PLCD3: variants seen among roughly 807,000 people sequenced by gnomAD.
PLCD3 encodes the protein phospholipase C delta 3, also known as 1-phosphatidylinositol 4,5-bisphosphate phosphodiesterase delta-3.
In PLCD3, 62 loss-of-function variants were observed where a neutral mutation model predicts 82.8. The ratio of observed to expected loss-of-function variants is 0.75; its 90% CI spans 0.61 to 0.93. PLCD3 has a LOEUF of 0.93. Ranked by LOEUF, PLCD3 falls within the 40% of genes least tolerant of loss-of-function variation. The probability of loss-of-function intolerance (pLI) is 0.00; values close to 1 mark genes in which losing one functional copy is unlikely to be tolerated. For synonymous variants in PLCD3, 478 were observed against 471.8 expected (o/e 1.01, Z -0.17); for missense variants, 1,023 against 1,103.4 (o/e 0.93, Z 1.03).
In PLCD3 at chr17:45,112,548, GGA is replaced by G; in HGVS notation, c.*66_*67del. On this transcript the variant is annotated 3_prime_UTR_variant, in exon 15 of 15. Coordinates refer to ENST00000619929, the MANE Select transcript of PLCD3 (RefSeq NM_133373.5). ...GGTACTCCCACCACCTGACTCCAGA[GGA>G]GGAGAGGGCTCTGCAGGGGATGTGG... The G allele has an allele frequency of 4.1e-6, 6 of 1,470,110 alleles. No individual in the cohort carries two copies. Among genetic ancestry groups the G allele is most frequent in the Non-Finnish European group, 5.6e-6 (6 of 1,074,310 alleles). 91.1% of individuals were successfully genotyped at this position (1,470,110 alleles called of 1,614,324 possible).
At position 45,113,463 on chromosome 17, in the gene PLCD3, AG is replaced by A. The variant is rs2143547059; in HGVS notation, c.1970del (p.Pro657LeufsTer11). The A allele has an allele frequency of 6.3e-7, 1 of 1,595,966 alleles. No homozygotes were observed. The highest frequency in any genetic ancestry group is 1.7e-4 in the Middle Eastern group (1 of 6,042). Reference protein sequence around the residue: ...DSTFDPEYPGPPRTTLSIQVL... With the variant: ...DSTFDPEYPGXPRTTLSIQVL... ...CCTGGATGCTGAGAGTGGTTCTGGG[AG>A]GTCCTGGGTACTCGGGGTCAAAGGT... On this transcript the variant is annotated frameshift_variant, in exon 12 of 15. Coordinates refer to ENST00000619929, the MANE Select transcript of PLCD3 (RefSeq NM_133373.5). LOFTEE classifies it high-confidence loss of function.
rs34687475 is a variant in PLCD3 at position 45,111,373 on chromosome 17, AGT to A, written c.*1241_*1242del. ...TTCAAGGCCCCTCTGTGTATGTGTGAGTGTGTGTGTGTGTGTGTGTGTGTGTG... is the reference window on the plus strand; with the variant it reads ...TTCAAGGCCCCTCTGTGTATGTGTGAGTGTGTGTGTGTGTGTGTGTGTGTG... On this transcript the variant is annotated 3_prime_UTR_variant, in exon 15 of 15. Coordinates refer to ENST00000619929, the MANE Select transcript of PLCD3 (RefSeq NM_133373.5). The A allele has an allele frequency of 0.23, 34,321 of 146,622 alleles. 4,124 individuals carry two copies. The highest frequency in any genetic ancestry group is 0.31 in the African/African-American group (12,378 of 40,190). The allele number at this position is 146,622 out of a possible 1,614,324, so 9.1% of individuals were successfully genotyped here. A position where few individuals can be genotyped will look rare whatever the true frequency, so the allele number is the denominator to read the frequency against.
intron 1 of PLCD3, among the ~76,000 whole-genome samples, chr17:45,131,685 C>G (rs1235066060): frequency 6.6e-6 from 1 of 152,270 alleles, no homozygotes; most frequent in African/African-American, 2.4e-5. Flanking sequence ...CAGTTACATT[C>G]CTTCTCCACG....
chr17:45,115,066 C>T (rs1455166813), intron 10 of PLCD3, 28 bp downstream of exon 10: 1 of 1,578,608 alleles, frequency 6.3e-7, no homozygotes, highest in South Asian at 1.2e-5. Context: ...CCCTCTCGCC[C>T]CCAGACACCC....
chr17:45,127,672 A>G (rs1042386487), intron 1 of PLCD3, among the ~76,000 whole-genome samples: 8 of 151,934 alleles, frequency 5.3e-5, no homozygotes, highest in African/African-American at 1.9e-4. Context: ...GGAGGGTGGG[A>G]GTTCTGTCCA....
chr17:45,117,067 C>G (rs971675592), intron 7 of PLCD3, among the ~76,000 whole-genome samples: 14 of 152,158 alleles, frequency 9.2e-5, no homozygotes, highest in African/African-American at 3.4e-4. Flanking sequence ...GCCTCAGCCT[C>G]CTAAGTAGCT....
chr17:45,120,596 G>A, intron 3 of PLCD3, 142 bp from the exon 4 acceptor site: 1 of 1,107,676 alleles, frequency 9.0e-7, no homozygotes, highest in Non-Finnish European at 1.3e-6. Flanking sequence ...CACTCCCCGA[G>A]CACGGTAGCA....
chr17:45,117,674 C>G (rs1007318892), intron 7 of PLCD3, among the ~76,000 whole-genome samples: 1 of 152,206 alleles, frequency 6.6e-6, no homozygotes, highest in Non-Finnish European at 1.5e-5. Context: ...CACTGGTGAG[C>G]TTCTCTTACA....
chr17:45,118,350 G>A lies in PLCD3; in HGVS notation c.1056C>T (p.His352=). The part of the protein sequence containing the change: ...PLAHYFISSS[H]NTYLTDSQIG... ...TCTGGGAGTCAGTCAGATAGGTGTTGTGGGAGGAAGAGATGAAGTAGTGGG... is the reference window on the plus strand; with the variant it reads ...TCTGGGAGTCAGTCAGATAGGTGTTATGGGAGGAAGAGATGAAGTAGTGGG... The change falls in exon 6 of 15, where the codon CAC becomes CAT. Residue 352 remains histidine (H), a synonymous_variant. Coordinates refer to ENST00000619929, the MANE Select transcript of PLCD3 (RefSeq NM_133373.5). This position sits in a 1 kb window ranked among gnomAD's most constrained non-coding sequence, Gnocchi z 4.1. The A allele has an allele frequency of 3.1e-6, 5 of 1,614,060 alleles. No individual in the cohort carries two copies. The highest frequency in any genetic ancestry group is 4.2e-6 in the Non-Finnish European group (5 of 1,179,906).
At chr17:45,123,253 A>C (rs1297359821) in intron 1 of PLCD3, among the ~76,000 whole-genome samples, 3 of 152,166 alleles carry the variant, frequency 2.0e-5, no homozygotes, top group Non-Finnish European at 4.4e-5. Context: ...GAGTCCTTGA[A>C]GGACCAGTTC....
In PLCD3 at chr17:45,115,478, G is replaced by C. The variant is rs776698052; in HGVS notation, c.1426C>G (p.Arg476Gly). The C allele has an allele frequency of 1.9e-6, 3 of 1,609,922 alleles. No individual in the cohort carries two copies. The highest frequency in any genetic ancestry group is 2.5e-6 in the Non-Finnish European group (3 of 1,178,472). Residue 476 changes from arginine (R) to glycine (G), a missense_variant, in exon 9 of 15, where the codon CGG becomes GGG. Around this residue, in one of 3 missense-constraint regions of PLCD3, gnomAD observed 553 missense variants for 655.7 expected, o/e 0.84. Transcript: ENST00000619929. ...AACTTCTTTCCCTTCACCAGGACCC[G>C]GCCCTTCAGCTGCTGTGGGGGCCAA... ...ELPSPEQLKG[R>G]VLVKGKKLPA...
intron 10 of PLCD3, 150 bp from the exon 11 acceptor site, chr17:45,114,516 G>A (rs534153553): frequency 7.8e-5 from 45 of 580,206 alleles, no homozygotes; most frequent in South Asian, 6.7e-4. Context: ...AGTGAGAGGG[G>A]AGCTCACTGA....
rs376886793 is a variant in PLCD3, at chr17:45,116,676, G to A, written c.1369C>T (p.Gln457Ter). Residue 457 changes from glutamine to a stop codon, truncating the protein, a stop_gained, in exon 8 of 15, where the codon CAG (glutamine) becomes TAG (stop). Transcript: ENST00000619929. LOFTEE classifies it high-confidence loss of function. ...TCGGGATTTGGGGAGTCCAGCGCCT[G>A]TGTCACCAGCATGTCCCCCAGGATG... ...CTILGDMLVTQALDSPNPEEL... is the reference protein window; with the variant it reads ...CTILGDMLVT The A allele has an allele frequency of 3.7e-6, 6 of 1,610,446 alleles. No individual in the cohort carries two copies. The highest frequency in any genetic ancestry group is 4.2e-6 in the Non-Finnish European group (5 of 1,177,930).
Position 45,130,934 on chromosome 17 carries a change from C to G in PLCD3, c.163+1314G>C, listed in dbSNP as rs577415919. Among the ~76,000 whole-genome samples the G allele has an allele frequency of 3.3e-5, 5 of 152,092 alleles. No homozygotes were observed. In the East Asian group the frequency reaches 5.8e-4, roughly 18 times the overall value. On this transcript the variant is annotated intron_variant, in intron 1 of 14. Coordinates refer to ENST00000619929, the MANE Select transcript of PLCD3 (RefSeq NM_133373.5). Reference sequence around the variant, plus strand: ...TGTGCTGCCCCCTGTTCCCCCACCCCCAAGGTCCTGTTCCTTTGTTTCACT... The same window carrying G: ...TGTGCTGCCCCCTGTTCCCCCACCCGCAAGGTCCTGTTCCTTTGTTTCACT...
Position 45,121,091 on chromosome 17 carries a change from T to G in PLCD3, c.365A>C (p.Gln122Pro). Residue 122 changes from glutamine to proline, a missense_variant, in exon 3 of 15, where the codon CAG becomes CCG. Coordinates refer to ENST00000619929, the MANE Select transcript of PLCD3 (RefSeq NM_133373.5). ...CCCGAAGCGCCGCAGGCCCTCGGACTGGTGGCCCTCGCGGACCGCCTCGAT... is the reference window on the plus strand; with the variant it reads ...CCCGAAGCGCCGCAGGCCCTCGGACGGGTGGCCCTCGCGGACCGCCTCGAT... ...QHIEAVREGH[Q>P]SEGLRRFGGA... is the part of the protein sequence containing the mutation. The G allele has an allele frequency of 6.5e-7, 1 of 1,536,188 alleles. No homozygotes were observed. The highest frequency in any genetic ancestry group is 8.7e-7 in the Non-Finnish European group (1 of 1,150,068).
chr17:45,121,473 A>G lies in PLCD3; in HGVS notation c.164-101T>C, dbSNP rs554169293. The stretch of plus-strand genomic sequence containing the variant: ...GCTGCCCCATCCTCCAGCCTCTCCA[A>G]ACCCAGGCCTTCATCCCACAGTAAG... On this transcript the variant is annotated intron_variant, in intron 1 of 14. Transcript: ENST00000619929. The G allele has an allele frequency of 2.9e-3, 3,842 of 1,341,304 alleles. 12 individuals are homozygous for G. Among genetic ancestry groups the G allele is most frequent in the Middle Eastern group, 0.017 (64 of 3,712 alleles). 83.1% of individuals were successfully genotyped at this position (1,341,304 alleles called of 1,614,324 possible).
Position 45,118,368 on chromosome 17 carries a change from G to A in PLCD3, c.1038C>T (p.Tyr346=). 2 of 1,614,068 alleles carry A rather than the reference G, an allele frequency of 1.2e-6. No individual in the cohort carries two copies. The highest frequency in any genetic ancestry group is 2.2e-5 in the East Asian group (1 of 44,888). Residue 346 remains tyrosine, a synonymous_variant, in exon 6 of 15, where the codon TAC becomes TAT. Coordinates refer to ENST00000619929, the MANE Select transcript of PLCD3 (RefSeq NM_133373.5). The surrounding 1 kb of genome is among the most constrained non-coding windows in gnomAD (Gnocchi z 4.1). ...AGGTGTTGTGGGAGGAAGAGATGAA[G>A]TAGTGGGCAAGGGGCTGGTTCATGT... The part of the protein sequence containing the change: ...FQDMNQPLAH[Y]FISSSHNTYL...
intron 10 of PLCD3, 74 bp downstream of exon 10, chr17:45,115,020 C>T (rs2054277495): frequency 1.3e-6 from 2 of 1,521,602 alleles, no homozygotes; most frequent in Non-Finnish European, 1.8e-6. Flanking sequence ...AAAGCCCCCT[C>T]AACTCCTTTC....
chr17:45,116,198 C>T (rs539811286), intron 8 of PLCD3, among the ~76,000 whole-genome samples: 4 of 152,180 alleles, frequency 2.6e-5, no homozygotes, highest in Non-Finnish European at 5.9e-5. Context: ...CCGCCTCAGG[C>T]CCGAGAGTTG....
Sources: gnomAD v4.1 joint callset for allele counts (sites outside exome capture counted in the v4.1 genomes callset) on GRCh38, gnomAD v4.1.1 for gene constraint, gnomAD v4.1.1 regional missense constraint, Gnocchi (gnomAD v3.1) non-coding constraint, MANE v1.5 for transcripts, NCBI Gene and HGNC (gene_info 2026-07-23, HGNC 2026-07-21) for gene names.